ALS2: variants seen among roughly 807,000 people sequenced by gnomAD.
ALS2 encodes alsin Rho guanine nucleotide exchange factor ALS2, also known as alsin.
In ALS2, 117 loss-of-function variants were observed where a neutral mutation model predicts 203.4. That is an observed-to-expected ratio of 0.58 (90% CI 0.50 to 0.67). The LOEUF (loss-of-function observed/expected upper bound fraction) is 0.67. Among genes scored for constraint, ALS2 ranks in the 30% least tolerant of loss-of-function variants. ALS2 has a pLI of 0.00. For synonymous variants in ALS2, 718 were observed against 725.9 expected (o/e 0.99, Z 0.17); for missense variants, 1,715 against 1,989.4 (o/e 0.86, Z 2.62).
intron 3 of ALS2, among the ~76,000 whole-genome samples, chr2:201,762,184 TA>T (rs1693808675): frequency 6.6e-6 from 1 of 150,866 alleles, no homozygotes; most frequent in Admixed American, 6.6e-5. Flanking sequence ...CATGTTAAGA[TA>T]AAATAAGCAA....
Position 201,701,555 on chromosome 2 carries a change from A to T in ALS2, c.*296T>A, listed in dbSNP as rs1487071676. Reference sequence around the variant, plus strand: ...TAGCTGACATACCCTTTACTGTAGGAAGGGATATCCTCTTCTTTTTTCAAA... The same window carrying T: ...TAGCTGACATACCCTTTACTGTAGGTAGGGATATCCTCTTCTTTTTTCAAA... On this transcript the variant is annotated 3_prime_UTR_variant, in exon 34 of 34. Coordinates refer to ENST00000264276, the MANE Select transcript of ALS2 (RefSeq NM_020919.4). The T allele has an allele frequency of 6.8e-6, 2 of 294,458 alleles. No homozygotes were observed. The highest frequency in any genetic ancestry group is 1.3e-5 in the Non-Finnish European group (2 of 157,146). The allele number at this position is 294,458 out of a possible 1,614,324, so 18.2% of individuals were successfully genotyped here. A position where few individuals can be genotyped will look rare whatever the true frequency, so the allele number is the denominator to read the frequency against.
At chr2:201,774,251 CCAGA>C (rs1396570911) in intron 1 of ALS2, among the ~76,000 whole-genome samples, 1 of 151,916 alleles carries the variant, frequency 6.6e-6, no homozygotes, top group Non-Finnish European at 1.5e-5. Context: ...AGCCAAAGTC[CCAGA>C]CAAAGTGAAG....
Position 201,726,721 on chromosome 2 carries a change from G to C in ALS2, c.3125C>G (p.Pro1042Arg). 6.2e-7 allele frequency: 1 copy of C among 1,614,180 alleles called. No homozygotes were observed. The highest frequency in any genetic ancestry group is 8.5e-7 in the Non-Finnish European group (1 of 1,180,036). Reference sequence around the variant, plus strand: ...ATCATAGGTGGCATCCTTTAGGCGAGGATCCTTGTAGAAAGTATATTTGGC... The same window carrying C: ...ATCATAGGTGGCATCCTTTAGGCGACGATCCTTGTAGAAAGTATATTTGGC... ...RSAKYTFYKD[P>R]RLKDATYDGR... The change falls in exon 18 of 34, where the codon CCT (proline) becomes CGT (arginine). Residue 1042 changes from proline (P) to arginine (R), a missense_variant. By Grantham distance (103) the Pro-to-Arg change is moderately radical (BLOSUM62 -2). Transcript: ENST00000264276.
chr2:201,772,645 T>C (rs991087964), intron 1 of ALS2, among the ~76,000 whole-genome samples: 1 of 152,152 alleles, frequency 6.6e-6, no homozygotes, highest in African/African-American at 2.4e-5. Flanking sequence ...AATTCCAAAA[T>C]GCACCTTGCC....
intron 23 of ALS2, among the ~76,000 whole-genome samples, chr2:201,719,824 T>C (rs540455362): frequency 2.0e-5 from 3 of 152,074 alleles, no homozygotes; most frequent in Non-Finnish European, 4.4e-5. Flanking sequence ...CAGAATGGAA[T>C]ACTAAGAGAA....
Position 201,726,469 on chromosome 2 carries a change from A to G in ALS2, c.3248+15T>C, listed in dbSNP as rs774594307. The stretch of plus-strand genomic sequence containing the variant: ...GAACTTGAATTTACTGTCATGTTTT[A>G]CACAATTTTCTTACCCATCTTCCAA... On this transcript the variant is annotated intron_variant, in intron 19 of 33. Coordinates refer to ENST00000264276, the MANE Select transcript of ALS2 (RefSeq NM_020919.4). 1 of 1,608,002 alleles carries G rather than the reference A, an allele frequency of 6.2e-7. No individual in the cohort carries two copies. The highest frequency in any genetic ancestry group is 1.1e-5 in the South Asian group (1 of 90,940).
intron 12 of ALS2, among the ~76,000 whole-genome samples, chr2:201,733,832 T>C (rs1161426185): frequency 1.3e-5 from 2 of 152,194 alleles, no homozygotes; most frequent in Admixed American, 6.5e-5. Flanking sequence ...ATAGAAACAC[T>C]GGAAGAAAAA....
intron 10 of ALS2, among the ~76,000 whole-genome samples, chr2:201,743,590 T>C (rs1389869245): frequency 6.6e-6 from 1 of 152,122 alleles, no homozygotes; most frequent in African/African-American, 2.4e-5. Flanking sequence ...GTTCAAGCAA[T>C]TCTCCTGCCT....
chr2:201,760,740 G>A (rs1399182619), intron 4 of ALS2, 141 bp downstream of exon 4: 2 of 1,444,602 alleles, frequency 1.4e-6, no homozygotes, highest in African/African-American at 1.4e-5. Context: ...CTTTATCTAG[G>A]CTTGCCTGAT....
intron 25 of ALS2, among the ~76,000 whole-genome samples, chr2:201,712,350 C>T (rs935893466): frequency 1.3e-5 from 2 of 152,108 alleles, no homozygotes; most frequent in Non-Finnish European, 2.9e-5. Context: ...TATTTGAATA[C>T]TGGTAATTTA....
intron 28 of ALS2, among the ~76,000 whole-genome samples, 192 bp from the exon 29 acceptor site, chr2:201,707,214 CTG>C (rs1407471577): frequency 2.6e-5 from 4 of 152,170 alleles, no homozygotes; most frequent in Admixed American, 1.3e-4. Flanking sequence ...TTAGAGGAAA[CTG>C]TGAATTCTTT....
chr2:201,733,541 T>C, intron 12 of ALS2, 103 bp from the exon 13 acceptor site: 2 of 966,806 alleles, frequency 2.1e-6, no homozygotes, highest in Middle Eastern at 3.2e-4. Flanking sequence ...AGAATGCACA[T>C]TTTTTAGGTG....
At chr2:201,708,096 T>A (rs1689838181) in intron 27 of ALS2, 105 bp from the exon 28 acceptor site, 2 of 1,065,798 alleles carry the variant, frequency 1.9e-6, no homozygotes, top group Non-Finnish European at 2.8e-6. Context: ...TATTATCAAC[T>A]AAGTATTTTA....
At chr2:201,759,837 A>G (rs1169145904) in intron 4 of ALS2, 1 of 985,170 alleles carries the variant, frequency 1.0e-6, no homozygotes, top group Non-Finnish European at 1.2e-6. Flanking sequence ...TTTTATGAGT[A>G]TGATCTTTTG....
In ALS2 at chr2:201,767,390, C is replaced by T. The variant is rs1694143766; in HGVS notation, c.21-7G>A. 2 of 1,613,910 alleles carry T rather than the reference C, an allele frequency of 1.2e-6. No homozygotes were observed. Among genetic ancestry groups the T allele is most frequent in the Non-Finnish European group, 8.5e-7 (1 of 1,179,870 alleles). ...TCCTTCTGCCTCTGTTGAGCTAAAA[C>T]ATCAAGAAACATAGCTTAATTGTTT... is the stretch of plus-strand genomic sequence containing the variant. On this transcript the variant is annotated splice_region_variant and splice_polypyrimidine_tract_variant and intron_variant, in intron 2 of 33. Coordinates refer to ENST00000264276, the MANE Select transcript of ALS2 (RefSeq NM_020919.4).
intron 11 of ALS2, among the ~76,000 whole-genome samples, chr2:201,740,533 C>T (rs1242482447): frequency 1.0e-5 from 1 of 99,142 alleles, no homozygotes; most frequent in Non-Finnish European, 2.8e-5. Context: ...GCTGGAATCA[C>T]AGAAACAACA....
At position 201,704,458 on chromosome 2, in the gene ALS2, C is replaced by T; in HGVS notation, c.4834G>A (p.Ala1612Thr). Residue 1612 changes from alanine to threonine, a missense_variant, in exon 32 of 34, where the codon GCC becomes ACC. Coordinates refer to ENST00000264276, the MANE Select transcript of ALS2 (RefSeq NM_020919.4). Reference sequence around the variant, plus strand: ...ACAAAGTCATAAAACAGTTACCTGGCCCGTAGCACCACATATAAGAAAACA... The same window carrying T: ...ACAAAGTCATAAAACAGTTACCTGGTCCGTAGCACCACATATAAGAAAACA... ...FPVFLYVVLR[A>T]RIRNLGSEVH... 6.2e-7 allele frequency: 1 copy of T among 1,614,032 alleles called. No homozygotes were observed. Among genetic ancestry groups the T allele is most frequent in the Non-Finnish European group, 8.5e-7 (1 of 1,179,986 alleles).
intron 7 of ALS2, among the ~76,000 whole-genome samples, chr2:201,751,631 T>A (rs1693068114): frequency 6.6e-6 from 1 of 152,230 alleles, no homozygotes; most frequent in South Asian, 2.1e-4. Context: ...TTGTTTACAC[T>A]GTTTTATTTG....
intron 1 of ALS2, among the ~76,000 whole-genome samples, chr2:201,779,480 C>A (rs1360989900): frequency 2.0e-5 from 3 of 152,162 alleles, no homozygotes; most frequent in African/African-American, 7.2e-5. Context: ...AAAATTACTA[C>A]AGAACAACTT....
Sources: allele counts gnomAD v4.1 joint callset (sites outside exome capture counted in the v4.1 genomes callset), GRCh38; gene constraint gnomAD v4.1.1; transcripts MANE v1.5; gene names NCBI Gene and HGNC (gene_info 2026-07-23, HGNC 2026-07-21).